MTHFD1: variants seen among roughly 807,000 people sequenced by gnomAD.
MTHFD1 encodes the protein C-1-tetrahydrofolate synthase, cytoplasmic.
A neutral mutation model predicts 110.3 loss-of-function variants in MTHFD1; 44 were observed. The observed-to-expected ratio is 0.40, with a 90% CI of 0.31 to 0.51. The LOEUF (loss-of-function observed/expected upper bound fraction) is 0.51, where lower values mean the gene tolerates loss of function less well. Among genes scored for constraint, MTHFD1 ranks in the 20% least tolerant of loss-of-function variants. MTHFD1 has a pLI of 0.60. For missense variants in MTHFD1, 909 were observed against 1,173.1 expected (o/e 0.77, Z 3.29); for synonymous variants, 402 against 428.8 (o/e 0.94, Z 0.77).
intron 22 of MTHFD1, among the ~76,000 whole-genome samples, chr14:64,447,662 G>A (rs1172951524): frequency 6.6e-6 from 1 of 151,858 alleles, no homozygotes; most frequent in East Asian, 1.9e-4. Context: ...CCTCGTTCAC[G>A]GTCGAGTTCA....
Position 64,415,640 on chromosome 14 carries a change from T to C in MTHFD1, c.379T>C (p.Leu127=), listed in dbSNP as rs762753117. 2 of 1,612,918 alleles carry C rather than the reference T, an allele frequency of 1.2e-6. No homozygotes were observed. Among genetic ancestry groups the C allele is most frequent in the Admixed American group, 3.3e-5 (2 of 60,010 alleles). ...AIAPEKDVDG[L]TSINAGKLAR... is the part of the protein sequence containing the mutation. ...TCTTATTTCCATCACTTTTTTAAGA[T>C]TGACTAGCATCAATGCTGGGAAACT... is the stretch of plus-strand genomic sequence containing the variant. Residue 127 remains leucine (L), a splice_region_variant and synonymous_variant, in exon 6 of 28, where the codon TTG becomes CTG. Coordinates refer to ENST00000652337, the MANE Select transcript of MTHFD1 (RefSeq NM_005956.4).
rs1053695641 is a variant in MTHFD1 at position 64,388,415 on chromosome 14, A to G, written c.-13A>G. ...TGGTGGTGTCCATCGTGGGCAGCGG[A>G]CTAATAAAGGCCATGGCGCCAGCAG... On this transcript the variant is annotated 5_prime_UTR_variant, in exon 1 of 28. Transcript: ENST00000652337. The G allele has an allele frequency of 3.1e-5, 50 of 1,614,008 alleles. No individual in the cohort carries two copies. The highest frequency in any genetic ancestry group is 4.2e-5 in the Non-Finnish European group (49 of 1,180,040).
At chr14:64,449,015 G>A (rs956186455) in intron 23 of MTHFD1, 12 of 301,162 alleles carry the variant, frequency 4.0e-5, no homozygotes, top group South Asian at 1.3e-4. Context: ...TAGCCAGGAT[G>A]GTCTCGATCT....
At chr14:64,424,716 C>G in intron 8 of MTHFD1, 88 bp from the exon 9 acceptor site, 1 of 1,456,826 alleles carries the variant, frequency 6.9e-7, no homozygotes, top group South Asian at 1.2e-5. Context: ...GACTAACACA[C>G]CCTACAATTC....
In MTHFD1 at chr14:64,442,318, A is replaced by AT. The variant is rs1219707505; in HGVS notation, c.2053dup (p.Cys685LeufsTer48). 6.2e-7 allele frequency: 1 copy of AT among 1,614,230 alleles called. No individual in the cohort carries two copies. Among genetic ancestry groups the AT allele is most frequent in the Non-Finnish European group, 8.5e-7 (1 of 1,180,032 alleles). ...GAATGGAAAAGTTTTTTAACATCAA[A>AT]TGCCGGTATTCCGGCCTCTGCCCCC... On this transcript the variant is annotated frameshift_variant, in exon 21 of 28. Coordinates refer to ENST00000652337, the MANE Select transcript of MTHFD1 (RefSeq NM_005956.4). LOFTEE classifies it high-confidence loss of function.
intron 1 of MTHFD1, among the ~76,000 whole-genome samples, chr14:64,391,348 A>T (rs961448797): frequency 6.6e-6 from 1 of 152,098 alleles, no homozygotes; most frequent in Non-Finnish European, 1.5e-5. Context: ...AATTTTTAGT[A>T]GAGATGGGGT....
At chr14:64,452,064 G>A (rs1365040221) in intron 24 of MTHFD1, among the ~76,000 whole-genome samples, 4 of 152,222 alleles carry the variant, frequency 2.6e-5, no homozygotes, top group Non-Finnish European at 5.9e-5. Context: ...GGGAAGCTGA[G>A]GTGGGTGGAT....
chr14:64,435,763 C>T, intron 16 of MTHFD1, 92 bp downstream of exon 16: 2 of 814,174 alleles, frequency 2.5e-6, no homozygotes, highest in Non-Finnish European at 4.3e-6. Context: ...GGCTCAGAAG[C>T]TTCCATGTTG....
chr14:64,406,751 C>T (rs367932795), intron 2 of MTHFD1, among the ~76,000 whole-genome samples: 7 of 152,254 alleles, frequency 4.6e-5, no homozygotes, highest in African/African-American at 1.4e-4. Flanking sequence ...AGTCACCGCA[C>T]CTGACTGATT....
chr14:64,449,909 T>C (rs1452837798), intron 24 of MTHFD1, among the ~76,000 whole-genome samples: 2 of 152,180 alleles, frequency 1.3e-5, no homozygotes, highest in Non-Finnish European at 2.9e-5. Context: ...CTGCCTCAGC[T>C]TCCCAAGTAG....
chr14:64,448,113 T>G, intron 22 of MTHFD1, 104 bp from the exon 23 acceptor site: 1 of 804,970 alleles, frequency 1.2e-6, no homozygotes, highest in Non-Finnish European at 2.1e-6. Context: ...CTTGTCCTGA[T>G]AGTGAGTGGC....
chr14:64,390,805 C>T (rs995873971), intron 1 of MTHFD1, among the ~76,000 whole-genome samples: 9 of 152,112 alleles, frequency 5.9e-5, no homozygotes, highest in African/African-American at 1.4e-4. Flanking sequence ...TGTGCCACCC[C>T]GTCCGGCTAA....
Position 64,444,722 on chromosome 14 carries a change from T to C in MTHFD1, c.2166T>C (p.Ala722=). Residue 722 remains alanine (A), a synonymous_variant, in exon 22 of 28, where the codon GCT becomes GCC. Coordinates refer to ENST00000652337, the MANE Select transcript of MTHFD1 (RefSeq NM_005956.4). ...TVTAGLPLPK[A]YIQENLELVE... ...CTGCTGGACTGCCTCTTCCCAAGGC[T>C]TACATACAGGAGGTAACCTGAGTTA... 1 of 1,614,074 alleles carries C rather than the reference T, an allele frequency of 6.2e-7. No individual in the cohort carries two copies. The highest frequency in any genetic ancestry group is 8.5e-7 in the Non-Finnish European group (1 of 1,179,960).
intron 22 of MTHFD1, among the ~76,000 whole-genome samples, chr14:64,447,173 T>G (rs1396408551): frequency 6.9e-6 from 1 of 143,942 alleles, no homozygotes; most frequent in Non-Finnish European, 1.5e-5. Flanking sequence ...TTTTTTTTTT[T>G]TGAGACAGAG....
intron 21 of MTHFD1, among the ~76,000 whole-genome samples, chr14:64,444,273 GAA>G (rs2078272136): frequency 6.6e-6 from 1 of 152,126 alleles, no homozygotes; most frequent in Admixed American, 6.5e-5. Context: ...ACCAGTTCAT[GAA>G]ACCATGGCAG....
At chr14:64,451,324 G>A (rs2078369251) in intron 24 of MTHFD1, among the ~76,000 whole-genome samples, 1 of 152,024 alleles carries the variant, frequency 6.6e-6, no homozygotes, top group Non-Finnish European at 1.5e-5. Context: ...GCCTGGCCTG[G>A]CTTGGTTTTT....
At chr14:64,458,386 A>G in intron 27 of MTHFD1, 79 bp downstream of exon 27, 6 of 943,882 alleles carry the variant, frequency 6.4e-6, no homozygotes, top group Non-Finnish European at 1.1e-5. Flanking sequence ...AACTGACGCT[A>G]TAAAAATTCA....
At chr14:64,458,723 G>A (rs933891260) in intron 27 of MTHFD1, 16 of 243,162 alleles carry the variant, frequency 6.6e-5, no homozygotes, top group African/African-American at 3.6e-4. Flanking sequence ...ATTAGCAAAT[G>A]TCTTAGGAAG....
intron 8 of MTHFD1, among the ~76,000 whole-genome samples, 169 bp downstream of exon 8, chr14:64,420,094 T>C (rs1175262155): frequency 6.6e-6 from 1 of 152,150 alleles, no homozygotes; most frequent in African/African-American, 2.4e-5. Flanking sequence ...GAGTTGCCAC[T>C]TGCAGGCAGG....
Sources: allele counts gnomAD v4.1 joint callset (sites outside exome capture counted in the v4.1 genomes callset), GRCh38; gene constraint gnomAD v4.1.1; transcripts MANE v1.5; gene names NCBI Gene and HGNC (gene_info 2026-07-23, HGNC 2026-07-21).